UBXN8: variants seen among roughly 807,000 people sequenced by gnomAD.
UBXN8 encodes UBX domain-containing protein 8.
UBXN8 carries 27 observed loss-of-function variants against 32.1 expected under a neutral mutation model. The observed-to-expected ratio is 0.84, with a 90% CI of 0.62 to 1.16. UBXN8 has a LOEUF of 1.16. Among genes scored for constraint, UBXN8 ranks in the 50% most tolerant of loss-of-function variants. The probability of loss-of-function intolerance (pLI) is 0.00; values close to 1 mark genes in which losing one functional copy is unlikely to be tolerated. For synonymous variants in UBXN8, 109 were observed against 111.8 expected, an observed-to-expected ratio of 0.98 and a Z score of 0.16; for missense variants, 306 against 311.4, an observed-to-expected ratio of 0.98 and a Z score of 0.13.
intron 4 of UBXN8, among the ~76,000 whole-genome samples, chr8:30,755,886 C>A (rs992870196): frequency 6.6e-6 from 1 of 151,486 alleles, no homozygotes; most frequent in African/African-American, 2.4e-5. Flanking sequence ...TCAAGATCTC[C>A]AAGGTATTAA....
chr8:30,758,901 T>TTTG (rs1805747563), intron 5 of UBXN8, among the ~76,000 whole-genome samples: 1 of 130,136 alleles, frequency 7.7e-6, no homozygotes, highest in African/African-American at 3.0e-5. Context: ...TTTGTTTTTT[T>TTTG]TTTTTTTTTT....
chr8:30,754,847 T>C (rs1805611084), intron 4 of UBXN8, 60 bp downstream of exon 4: 6 of 1,515,972 alleles, frequency 4.0e-6, no homozygotes, highest in Non-Finnish European at 5.2e-6. Flanking sequence ...TATTACATGA[T>C]TGATTTTTAA....
chr8:30,749,459 G>A (rs914642187), intron 1 of UBXN8, among the ~76,000 whole-genome samples: 5 of 151,232 alleles, frequency 3.3e-5, no homozygotes, highest in South Asian at 2.1e-4. Context: ...TTTTTCCTCC[G>A]CAAGCATGTA....
chr8:30,738,949 T>TC (rs1215739824), intron 1 of UBXN8, among the ~76,000 whole-genome samples: 2 of 150,664 alleles, frequency 1.3e-5, no homozygotes, highest in African/African-American at 4.8e-5. Flanking sequence ...AGAGTGAAAC[T>TC]CCATCTCAAA....
intron 5 of UBXN8, among the ~76,000 whole-genome samples, chr8:30,757,200 G>T (rs1805687153): frequency 6.7e-6 from 1 of 148,794 alleles, no homozygotes; most frequent in Non-Finnish European, 1.5e-5. Context: ...CAATATTAAT[G>T]ATGTTCTGAA....
rs576055951 is a variant in UBXN8, at chr8:30,766,504, G to A, written c.*110G>A. On this transcript the variant is annotated 3_prime_UTR_variant, in exon 8 of 8. Coordinates refer to ENST00000265616, the MANE Select transcript of UBXN8 (RefSeq NM_005671.4). ...CTATACCTTGATTGAGCTCATGGCA[G>A]TAAACTTTGAACATTGATATCCATG... The A allele has an allele frequency of 1.6e-5, 19 of 1,176,492 alleles. No individual in the cohort carries two copies. The South Asian group carries it at 3.5e-4, about 22-fold the overall frequency. 72.9% of individuals were successfully genotyped at this position (1,176,492 alleles called of 1,614,324 possible).
intron 1 of UBXN8, among the ~76,000 whole-genome samples, chr8:30,738,719 G>A (rs914013938): frequency 6.6e-6 from 1 of 151,226 alleles, no homozygotes; most frequent in East Asian, 1.9e-4. Flanking sequence ...ACTTTGGGAG[G>A]CTCAGGTGGG....
chr8:30,751,338 A>T (rs1805517113), intron 1 of UBXN8, 58 bp from the exon 2 acceptor site: 1 of 1,400,126 alleles, frequency 7.1e-7, no homozygotes, highest in Non-Finnish European at 9.8e-7. Flanking sequence ...ACATAGTGAG[A>T]CCTCATCTCT....
At chr8:30,745,090 T>G (rs1805329198) in intron 1 of UBXN8, among the ~76,000 whole-genome samples, 1 of 152,174 alleles carries the variant, frequency 6.6e-6, no homozygotes, top group Non-Finnish European at 1.5e-5. Flanking sequence ...GTCACTCGAT[T>G]CTGTATGGAG....
At chr8:30,756,663 A>C in intron 4 of UBXN8, 102 bp from the exon 5 acceptor site, 1 of 1,505,822 alleles carries the variant, frequency 6.6e-7, no homozygotes, top group South Asian at 1.3e-5. Flanking sequence ...TTTTCTACTG[A>C]TATGCCATCA....
intron 1 of UBXN8, among the ~76,000 whole-genome samples, chr8:30,735,542 G>A (rs893366144): frequency 6.6e-6 from 1 of 152,040 alleles, no homozygotes; most frequent in Non-Finnish European, 1.5e-5. Context: ...AACAGAGTGT[G>A]TCTCAAAAAA....
chr8:30,757,386 C>T (rs975942593), intron 5 of UBXN8, among the ~76,000 whole-genome samples: 3 of 151,738 alleles, frequency 2.0e-5, no homozygotes, highest in Non-Finnish European at 4.4e-5. Context: ...CCCATCTCTA[C>T]TAAAAATACA....
chr8:30,731,749 G>A (rs1804962813), upstream of UBXN8, among the ~76,000 whole-genome samples: 1 of 152,172 alleles, frequency 6.6e-6, no homozygotes, highest in Non-Finnish European at 1.5e-5. Flanking sequence ...GGCCCAGCCG[G>A]TTAGGCAAAA....
intron 5 of UBXN8, among the ~76,000 whole-genome samples, chr8:30,758,903 T>TTTTTTTTTG (rs1563564686): frequency 4.2e-5 from 6 of 143,408 alleles, no homozygotes; most frequent in African/African-American, 1.3e-4. Context: ...TGTTTTTTTT[T>TTTTTTTTTG]TTTTTTTTGA....
chr8:30,733,519 TG>T (rs1426908788), intron 1 of UBXN8, among the ~76,000 whole-genome samples: 1 of 152,164 alleles, frequency 6.6e-6, no homozygotes, highest in Admixed American at 6.5e-5. Context: ...TCCACCTTGG[TG>T]GGTTTGGGGA....
chr8:30,749,052 G>C (rs1249283050), intron 1 of UBXN8, among the ~76,000 whole-genome samples: 1 of 152,104 alleles, frequency 6.6e-6, no homozygotes, highest in Non-Finnish European at 1.5e-5. Context: ...ATGCAAAGTA[G>C]GTAGTTAGAT....
intron 6 of UBXN8, among the ~76,000 whole-genome samples, chr8:30,761,228 C>T (rs958169329): frequency 2.6e-5 from 4 of 151,736 alleles, no homozygotes; most frequent in African/African-American, 4.8e-5. Flanking sequence ...ATTTTGCAAG[C>T]CTGCTGTCTG....
At chr8:30,758,900 T>TTTTTTTTTTTTTTTTTTTTTTTG (rs1554578741) in intron 5 of UBXN8, among the ~76,000 whole-genome samples, 1 of 121,996 alleles carries the variant, frequency 8.2e-6, no homozygotes. Context: ...TTTTGTTTTT[T>TTTTTTTTTTTTTTTTTTTTTTTG]TTTTTTTTTT....
intron 7 of UBXN8, among the ~76,000 whole-genome samples, chr8:30,764,902 T>G (rs113257357): frequency 0.023 from 3,480 of 151,934 alleles, 139 homozygotes; most frequent in African/African-American, 0.078. Flanking sequence ...ATACAAAAAT[T>G]AGCCGGACGT....
Sources: gnomAD v4.1 joint callset for allele counts (sites outside exome capture counted in the v4.1 genomes callset) on GRCh38, gnomAD v4.1.1 for gene constraint, MANE v1.5 for transcripts, NCBI Gene and HGNC (gene_info 2026-07-23, HGNC 2026-07-21) for gene names.